SLC35F1: variants seen among roughly 807,000 people sequenced by gnomAD.
SLC35F1 encodes the protein solute carrier family 35 member F1.
In SLC35F1, 14 loss-of-function variants were observed where a neutral mutation model predicts 48.7. That is an observed-to-expected ratio of 0.29 (90% CI 0.19 to 0.45). The LOEUF (loss-of-function observed/expected upper bound fraction) is 0.45, where lower values mean the gene tolerates loss of function less well. Ranked by LOEUF, SLC35F1 falls within the 20% of genes least tolerant of loss-of-function variation. The pLI is 1.00. For synonymous variants in SLC35F1, 190 were observed against 202.2 expected (o/e 0.94, Z 0.51); for missense variants, 404 against 500.0 (o/e 0.81, Z 1.83).
rs549168785 is a variant in SLC35F1, at chr6:118,240,488, T to A, written c.477+4852T>A. 1.1e-3 allele frequency among the ~76,000 whole-genome samples: 160 copies of A among 152,348 alleles called. 1 individual carries two copies. The highest frequency in any genetic ancestry group is 3.7e-3 in the African/African-American group (154 of 41,586). On this transcript the variant is annotated intron_variant, in intron 3 of 7. Coordinates refer to ENST00000360388, the MANE Select transcript of SLC35F1 (RefSeq NM_001029858.4). The stretch of plus-strand genomic sequence containing the variant: ...AAAAGTAATTACTGAATACTTCGTG[T>A]TCAAGACACTGTATTAGGTGGTGAA...
At chr6:117,966,390 C>T (rs1354450699) in intron 1 of SLC35F1, among the ~76,000 whole-genome samples, 1 of 151,748 alleles carries the variant, frequency 6.6e-6, no homozygotes, top group Non-Finnish European at 1.5e-5. Flanking sequence ...GTAACACTCG[C>T]CGCGAAGATC....
chr6:118,268,337 C>T, intron 4 of SLC35F1, among the ~76,000 whole-genome samples: 1 of 151,102 alleles, frequency 6.6e-6, no homozygotes, highest in East Asian at 2.0e-4. Flanking sequence ...CAGCCTCACA[C>T]ATCCACACCA....
intron 1 of SLC35F1, among the ~76,000 whole-genome samples, chr6:117,945,349 C>G (rs1776283383): frequency 6.6e-6 from 1 of 152,220 alleles, no homozygotes; most frequent in Non-Finnish European, 1.5e-5. Flanking sequence ...TTGTTTTCCA[C>G]ATATAGTCAC....
At position 118,080,323 on chromosome 6, in the gene SLC35F1, T is replaced by A. The variant is rs191501751; in HGVS notation, c.174-74122T>A. 3.9e-5 allele frequency among the ~76,000 whole-genome samples: 6 copies of A among 152,338 alleles called. No homozygotes were observed. The East Asian group carries it at 1.2e-3, about 29-fold the overall frequency. The stretch of plus-strand genomic sequence containing the variant: ...CCCACTACTGCAGCTCTGATTTTGG[T>A]AAAACCACACTGCTGTGGAGGATTA... On this transcript the variant is annotated intron_variant, in intron 1 of 7. Transcript: ENST00000360388.
At chr6:118,241,005 T>C (rs985375084) in intron 3 of SLC35F1, among the ~76,000 whole-genome samples, 7 of 152,156 alleles carry the variant, frequency 4.6e-5, no homozygotes, top group African/African-American at 1.7e-4. Context: ...GTGACACATT[T>C]GAGTTTCAAA....
At chr6:118,050,479 G>C (rs992892333) in intron 1 of SLC35F1, among the ~76,000 whole-genome samples, 1 of 152,040 alleles carries the variant, frequency 6.6e-6, no homozygotes, top group African/African-American at 2.4e-5. Flanking sequence ...TAAAAGAGGA[G>C]TGGCTAACTT....
chr6:118,046,852 G>A (rs574182576), intron 1 of SLC35F1, among the ~76,000 whole-genome samples: 38 of 152,148 alleles, frequency 2.5e-4, no homozygotes, highest in African/African-American at 7.5e-4. Flanking sequence ...AGTAATTTAC[G>A]TAGTGAAAAT....
chr6:118,267,661 A>G (rs1775792190), intron 4 of SLC35F1, among the ~76,000 whole-genome samples: 1 of 152,194 alleles, frequency 6.6e-6, no homozygotes. Context: ...AAGTTTGAGG[A>G]CTAGTTAGGA....
chr6:117,941,757 T>C (rs939912415), intron 1 of SLC35F1, among the ~76,000 whole-genome samples: 15 of 152,228 alleles, frequency 9.9e-5, no homozygotes, highest in Non-Finnish European at 2.1e-4. Flanking sequence ...TTAAACACCA[T>C]TTATATTTAA....
At chr6:118,016,311 T>C (rs1207979045) in intron 1 of SLC35F1, among the ~76,000 whole-genome samples, 6 of 152,198 alleles carry the variant, frequency 3.9e-5, no homozygotes. Flanking sequence ...TTCTTTGGTG[T>C]CATTTTGATG....
At chr6:118,249,653 C>T (rs1364057264) in intron 3 of SLC35F1, among the ~76,000 whole-genome samples, 2 of 152,208 alleles carry the variant, frequency 1.3e-5, no homozygotes, top group African/African-American at 4.8e-5. Context: ...CTGAAGGGTA[C>T]AGTCTTAAGG....
chr6:118,022,747 ATTTTTT>A (rs34879607), intron 1 of SLC35F1, among the ~76,000 whole-genome samples: 1 of 120,646 alleles, frequency 8.3e-6, no homozygotes, highest in Non-Finnish European at 1.7e-5. Context: ...AGCTTGGACA[ATTTTTT>A]TTTTTTTTTT....
At chr6:118,117,317 T>G (rs566246976) in intron 1 of SLC35F1, among the ~76,000 whole-genome samples, 2 of 152,380 alleles carry the variant, frequency 1.3e-5, no homozygotes, top group Admixed American at 1.3e-4. Context: ...TACTCAATTT[T>G]GCAGAGCAGC....
intron 2 of SLC35F1, among the ~76,000 whole-genome samples, chr6:118,168,768 TG>T (rs1774356237): frequency 6.6e-6 from 1 of 152,212 alleles, no homozygotes; most frequent in Non-Finnish European, 1.5e-5. Context: ...TTTCAGCCCT[TG>T]CTGGTATACT....
chr6:117,923,240 T>C (rs1004596234), intron 1 of SLC35F1, among the ~76,000 whole-genome samples: 9 of 152,090 alleles, frequency 5.9e-5, no homozygotes, highest in African/African-American at 2.2e-4. Context: ...TTCTTCTTAA[T>C]GTGCTGGCAC....
intron 2 of SLC35F1, among the ~76,000 whole-genome samples, chr6:118,201,718 A>T (rs1257485576): frequency 6.6e-6 from 1 of 152,192 alleles, no homozygotes; most frequent in Admixed American, 6.5e-5. Context: ...AAATTTTAGA[A>T]CATTTACATC....
At chr6:118,236,372 G>A (rs1003701468) in intron 3 of SLC35F1, among the ~76,000 whole-genome samples, 1 of 151,860 alleles carries the variant, frequency 6.6e-6, no homozygotes, top group Admixed American at 6.6e-5. Flanking sequence ...CTTTTTATAT[G>A]GTAATATTAT....
chr6:117,929,764 C>G (rs1437141072), intron 1 of SLC35F1, among the ~76,000 whole-genome samples: 1 of 152,108 alleles, frequency 6.6e-6, no homozygotes, highest in Non-Finnish European at 1.5e-5. Context: ...CTAATGACAT[C>G]TATAAAATAC....
At position 117,907,832 on chromosome 6, in the gene SLC35F1, G is replaced by A. The variant is rs746840133; in HGVS notation, c.106G>A (p.Gly36Ser). ...IENLPAEGSG[G>S]GGSLSASSRA... The stretch of plus-strand genomic sequence containing the variant: ...GAACCTGCCGGCCGAGGGCAGCGGC[G>A]GCGGCGGGAGCCTGTCCGCCTCCTC... Residue 36 changes from glycine (G) to serine (S), a missense_variant, in exon 1 of 8, where the codon GGC becomes AGC. Gly to Ser is a moderately conservative substitution (Grantham distance 56, BLOSUM62 0). Transcript: ENST00000360388. 1.3e-6 allele frequency: 2 copies of A among 1,539,686 alleles called. No homozygotes were observed. Among genetic ancestry groups the A allele is most frequent in the Non-Finnish European group, 1.7e-6 (2 of 1,153,414 alleles).
Sources: allele counts gnomAD v4.1 joint callset (sites outside exome capture counted in the v4.1 genomes callset), GRCh38; gene constraint gnomAD v4.1.1; transcripts MANE v1.5; gene names NCBI Gene and HGNC (gene_info 2026-07-23, HGNC 2026-07-21).